DEUP1: variants seen among roughly 807,000 people sequenced by gnomAD.
DEUP1 encodes the protein deuterosome assembly protein 1.
A neutral mutation model predicts 87.4 loss-of-function variants in DEUP1; 82 were observed. The ratio of observed to expected loss-of-function variants is 0.94; its 90% CI spans 0.78 to 1.13. The LOEUF (loss-of-function observed/expected upper bound fraction) is 1.13, where lower values mean the gene tolerates loss of function less well. Ranked by LOEUF, DEUP1 falls within the 50% of genes most tolerant of loss-of-function variation. DEUP1 has a pLI of 0.00. For synonymous variants in DEUP1, 214 were observed against 222.7 expected, an observed-to-expected ratio of 0.96 and a Z score of 0.35; for missense variants, 663 against 681.5, an observed-to-expected ratio of 0.97 and a Z score of 0.30.
chr11:93,394,088 G>A (rs1259161318), intron 9 of DEUP1, among the ~76,000 whole-genome samples: 1 of 152,132 alleles, frequency 6.6e-6, no homozygotes, highest in African/African-American at 2.4e-5. Context: ...TAGCTTTGCC[G>A]ATTATTAGCT....
intron 7 of DEUP1, among the ~76,000 whole-genome samples, chr11:93,382,716 AG>A (rs1422533358): frequency 5.3e-5 from 8 of 152,222 alleles, no homozygotes; most frequent in Admixed American, 6.5e-5. Flanking sequence ...CAAACCAGGG[AG>A]CCCACATAGT....
intron 13 of DEUP1, 124 bp from the exon 14 acceptor site, chr11:93,437,419 G>A (rs1347293103): frequency 1.5e-6 from 1 of 684,268 alleles, no homozygotes; most frequent in South Asian, 2.1e-5. Flanking sequence ...TTCAGCCCAG[G>A]ATGTATTCTT....
intron 7 of DEUP1, among the ~76,000 whole-genome samples, chr11:93,382,479 G>A (rs939666566): frequency 6.6e-6 from 1 of 152,030 alleles, no homozygotes; most frequent in African/African-American, 2.4e-5. Flanking sequence ...CCTGTCAATG[G>A]TGTCTCCAAA....
At chr11:93,429,511 G>A (rs1948038055) in intron 13 of DEUP1, among the ~76,000 whole-genome samples, 1 of 152,122 alleles carries the variant, frequency 6.6e-6, no homozygotes, top group Non-Finnish European at 1.5e-5. Flanking sequence ...CACAATTAGT[G>A]TCCGCTCAAA....
intron 12 of DEUP1, among the ~76,000 whole-genome samples, chr11:93,412,465 A>G (rs1947464956): frequency 1.3e-5 from 2 of 152,230 alleles, no homozygotes; most frequent in South Asian, 4.1e-4. Context: ...CTTGTCAGAT[A>G]TAAAGGTGAT....
intron 12 of DEUP1, among the ~76,000 whole-genome samples, chr11:93,408,850 T>G (rs564682755): frequency 2.6e-5 from 4 of 152,202 alleles, no homozygotes; most frequent in East Asian, 3.9e-4. Flanking sequence ...TTTTGTTTTT[T>G]GGGGTTTGTT....
intron 13 of DEUP1, among the ~76,000 whole-genome samples, chr11:93,435,343 T>C (rs1948212361): frequency 1.3e-5 from 2 of 152,094 alleles, no homozygotes; most frequent in South Asian, 4.1e-4. Context: ...AAAGGGGAAA[T>C]CATGGTATTG....
At chr11:93,427,114 G>C (rs918630468) in intron 13 of DEUP1, among the ~76,000 whole-genome samples, 11 of 147,178 alleles carry the variant, frequency 7.5e-5, no homozygotes, top group Non-Finnish European at 1.6e-4. Flanking sequence ...CAAAAAATTG[G>C]AAGAAACTAC....
chr11:93,391,436 G>A (rs1946761289), intron 9 of DEUP1, among the ~76,000 whole-genome samples: 1 of 152,004 alleles, frequency 6.6e-6, no homozygotes, highest in African/African-American at 2.4e-5. Flanking sequence ...TTGGCCAGGT[G>A]CCGTGGCTCA....
chr11:93,351,659 T>G (rs1046317188), intron 2 of DEUP1, among the ~76,000 whole-genome samples: 2 of 152,212 alleles, frequency 1.3e-5, no homozygotes, highest in Admixed American at 6.5e-5. Flanking sequence ...TATAGAGGAA[T>G]TAGTATACAT....
At position 93,371,173 on chromosome 11, in the gene DEUP1, G is replaced by T; in HGVS notation, c.682G>T (p.Glu228Ter). 4 of 1,613,068 alleles carry T rather than the reference G, an allele frequency of 2.5e-6. No individual in the cohort carries two copies. Among genetic ancestry groups the T allele is most frequent in the Non-Finnish European group, 3.4e-6 (4 of 1,179,458 alleles). ...CAATGAAAGAGATGAGTTCATTATTGAAAAACTGAAATCAGCTGTAAATGA... is the reference window on the plus strand; with the variant it reads ...CAATGAAAGAGATGAGTTCATTATTTAAAAACTGAAATCAGCTGTAAATGA... ...EINERDEFII[E>*]KLKSAVNEIA... Residue 228 changes from glutamate (E) to a stop codon, truncating the protein, a stop_gained, in exon 7 of 14, where the codon GAA becomes TAA. Coordinates refer to ENST00000298050, the MANE Select transcript of DEUP1 (RefSeq NM_181645.4). LOFTEE classifies it high-confidence loss of function.
Position 93,373,605 on chromosome 11 carries a change from T to A in DEUP1, c.789+2325T>A, listed in dbSNP as rs1353704196. On this transcript the variant is annotated intron_variant, in intron 7 of 13. Coordinates refer to ENST00000298050, the MANE Select transcript of DEUP1 (RefSeq NM_181645.4). ...TACATATATATATACGTATATATAT[T>A]TATATATGTATATATATACGTATAT... Among the ~76,000 whole-genome samples the A allele has an allele frequency of 2.1e-3, 266 of 128,702 alleles. 1 individual carries two copies. The highest frequency in any genetic ancestry group is 6.3e-3 in the African/African-American group (208 of 32,970). The allele number at this position is 128,702 out of a possible 152,430, so 84.4% of individuals were successfully genotyped here.
chr11:93,396,729 G>A (rs1946957601), intron 11 of DEUP1, among the ~76,000 whole-genome samples: 1 of 152,112 alleles, frequency 6.6e-6, no homozygotes, highest in Non-Finnish European at 1.5e-5. Context: ...GACTTGTTTT[G>A]TTGCTTGTCA....
chr11:93,405,568 T>G (rs1424369233), intron 11 of DEUP1, among the ~76,000 whole-genome samples: 6 of 151,978 alleles, frequency 3.9e-5, no homozygotes, highest in Non-Finnish European at 8.8e-5. Context: ...TTGCTACATA[T>G]TTACTAAACC....
chr11:93,416,343 A>C (rs1947626503), intron 13 of DEUP1, among the ~76,000 whole-genome samples: 1 of 152,178 alleles, frequency 6.6e-6, no homozygotes, highest in Non-Finnish European at 1.5e-5. Context: ...AAAATGATAA[A>C]GGGGATATCA....
intron 9 of DEUP1, among the ~76,000 whole-genome samples, chr11:93,390,405 A>G (rs1946731140): frequency 6.6e-6 from 1 of 152,222 alleles, no homozygotes; most frequent in Admixed American, 6.5e-5. Flanking sequence ...TGACTGTCAG[A>G]GAACTAACAG....
intron 13 of DEUP1, among the ~76,000 whole-genome samples, chr11:93,430,927 C>T (rs1246464502): frequency 1.3e-5 from 2 of 151,862 alleles, no homozygotes; most frequent in African/African-American, 2.4e-5. Context: ...GAAGCCCCGT[C>T]TCTACTAAAA....
chr11:93,333,740 T>G (rs1374118064), intron 2 of DEUP1, among the ~76,000 whole-genome samples: 1 of 152,148 alleles, frequency 6.6e-6, no homozygotes, highest in East Asian at 1.9e-4. Flanking sequence ...GAAAGTAGGA[T>G]TTGAATTCAG....
chr11:93,433,075 A>G (rs2134511925), intron 13 of DEUP1, among the ~76,000 whole-genome samples: 1 of 152,296 alleles, frequency 6.6e-6, no homozygotes, highest in African/African-American at 2.4e-5. Flanking sequence ...TCCTAGATTG[A>G]CATATCTCAC....
Sources: allele counts gnomAD v4.1 joint callset (sites outside exome capture counted in the v4.1 genomes callset), GRCh38; gene constraint gnomAD v4.1.1; transcripts MANE v1.5; gene names NCBI Gene and HGNC (gene_info 2026-07-23, HGNC 2026-07-21).